Variants in HTR2A observed in about 807,000 individuals in gnomAD.
The protein encoded by HTR2A is 5-hydroxytryptamine receptor 2A.
A neutral mutation model predicts 31.0 loss-of-function variants in HTR2A; 14 were observed. The ratio of observed to expected loss-of-function variants is 0.45; its 90% CI spans 0.30 to 0.71. The LOEUF (loss-of-function observed/expected upper bound fraction) is 0.71, where lower values mean the gene tolerates loss of function less well. HTR2A is among the 30% of genes least tolerant of loss of function. HTR2A has a pLI of 0.09. For missense variants in HTR2A, 442 were observed against 573.3 expected (o/e 0.77, Z 2.34); for synonymous variants, 209 against 225.2 (o/e 0.93, Z 0.64).
rs1387896692 is a variant in HTR2A at position 46,833,082 on chromosome 13, A to G, written c.*1755T>C. 6.6e-6 allele frequency: 1 copy of G among 152,088 alleles called. No individual in the cohort carries two copies. The highest frequency in any genetic ancestry group is 1.5e-5 in the Non-Finnish European group (1 of 68,020). 9.4% of individuals were successfully genotyped at this position (152,088 alleles called of 1,614,324 possible). A position where few individuals can be genotyped will look rare whatever the true frequency, so the allele number is the denominator to read the frequency against. ...GAGTTTTTGGAGAAATAGAAGAAAA[A>G]TTTTGCTCAAAACTATGGTAGTTAT... On this transcript the variant is annotated 3_prime_UTR_variant, in exon 4 of 4. Coordinates refer to ENST00000542664, the MANE Select transcript of HTR2A (RefSeq NM_000621.5).
At chr13:46,846,181 GT>G (rs145050960) in intron 3 of HTR2A, among the ~76,000 whole-genome samples, 4 of 151,896 alleles carry the variant, frequency 2.6e-5, no homozygotes, top group African/African-American at 9.7e-5. Context: ...TTTAATTGGA[GT>G]TTTTTTTCTC....
chr13:46,881,078 T>C (rs1950957909), intron 3 of HTR2A, among the ~76,000 whole-genome samples: 1 of 152,194 alleles, frequency 6.6e-6, no homozygotes, highest in African/African-American at 2.4e-5. Context: ...TGGGTTAATG[T>C]CCCGAAGGAC....
In HTR2A at chr13:46,850,636, G is replaced by A. The variant is rs73175507; in HGVS notation, c.614-14997C>T. Among the ~76,000 whole-genome samples, 688 of 152,254 alleles carry A rather than the reference G, an allele frequency of 4.5e-3. 5 individuals carry two copies. Among genetic ancestry groups the A allele is most frequent in the Non-Finnish European group, 7.2e-3 (489 of 68,020 alleles). On this transcript the variant is annotated intron_variant, in intron 3 of 3. Transcript: ENST00000542664. ...CTGCTCAAGGCTGGCTCTTAGATCC[G>A]GAGCCTGGAATTCATGCAGTGTCCT...
chr13:46,885,689 T>G (rs1007266117), intron 3 of HTR2A, among the ~76,000 whole-genome samples: 2 of 152,224 alleles, frequency 1.3e-5, no homozygotes, highest in African/African-American at 4.8e-5. Flanking sequence ...TAATTCACAT[T>G]TCCACAAGCA....
At chr13:46,887,584 T>G (rs1478237376) in intron 3 of HTR2A, among the ~76,000 whole-genome samples, 1 of 151,834 alleles carries the variant, frequency 6.6e-6, no homozygotes, top group African/African-American at 2.4e-5. Flanking sequence ...AGATAACTTG[T>G]GATTAATATT....
chr13:46,869,171 A>G (rs1950845008), intron 3 of HTR2A, among the ~76,000 whole-genome samples: 1 of 152,192 alleles, frequency 6.6e-6, no homozygotes, highest in South Asian at 2.1e-4. Context: ...GAGAAAAAAT[A>G]TTTGCAAGTC....
intron 3 of HTR2A, among the ~76,000 whole-genome samples, chr13:46,875,442 A>G (rs1950900869): frequency 6.6e-6 from 1 of 152,204 alleles, no homozygotes; most frequent in African/African-American, 2.4e-5. Flanking sequence ...TCATCTTTAC[A>G]TCTCACCATA....
rs1321239773 is a variant in HTR2A, at chr13:46,845,107, T to C, written c.614-9468A>G. The stretch of plus-strand genomic sequence containing the variant: ...CTATGTACACATCACCCAAGTTCAA[T>C]ATAATCATGATGTCTAAGATCTTAT... On this transcript the variant is annotated intron_variant, in intron 3 of 3. Coordinates refer to ENST00000542664, the MANE Select transcript of HTR2A (RefSeq NM_000621.5). Among the ~76,000 whole-genome samples, 3 of 152,246 alleles carry C rather than the reference T, an allele frequency of 2.0e-5. No individual in the cohort carries two copies. The East Asian group carries it at 5.8e-4, about 29-fold the overall frequency.
Position 46,896,950 on chromosome 13 carries a change from A to T in HTR2A, c.-605T>A. On this transcript the variant is annotated 5_prime_UTR_variant, in exon 1 of 4. The change abolishes an upstream ATG in the 5' untranslated region. Coordinates refer to ENST00000542664, the MANE Select transcript of HTR2A (RefSeq NM_000621.5). ...CTCAGCAGGCACACATTTAGAAATCATTCACGAGCCCCTCAAAGTCGCACA... is the reference window on the plus strand; with the variant it reads ...CTCAGCAGGCACACATTTAGAAATCTTTCACGAGCCCCTCAAAGTCGCACA... 1.2e-6 allele frequency: 1 copy of T among 803,000 alleles called. No homozygotes were observed. The highest frequency in any genetic ancestry group is 2.0e-6 in the Non-Finnish European group (1 of 507,132). The allele number at this position is 803,000 out of a possible 1,614,324, so 49.7% of individuals were successfully genotyped here.
intron 3 of HTR2A, among the ~76,000 whole-genome samples, chr13:46,864,796 T>C (rs748790370): frequency 5.3e-5 from 8 of 152,212 alleles, no homozygotes; most frequent in Non-Finnish European, 8.8e-5. Context: ...AGAATGCCTA[T>C]GTAATAGGAT....
intron 3 of HTR2A, among the ~76,000 whole-genome samples, chr13:46,883,473 T>C (rs1392665133): frequency 1.3e-5 from 2 of 152,162 alleles, no homozygotes; most frequent in Non-Finnish European, 2.9e-5. Context: ...AAATAACATC[T>C]GGAAAAGGAA....
Position 46,834,203 on chromosome 13 carries a change from A to G in HTR2A, c.*634T>C, listed in dbSNP as rs978974243. ...TTTGAAGTCTTTTTCACTTCTGAGA[A>G]TTAACTTGAAATGCAGCAAATGCCA... is the stretch of plus-strand genomic sequence containing the variant. On this transcript the variant is annotated 3_prime_UTR_variant, in exon 4 of 4. Coordinates refer to ENST00000542664, the MANE Select transcript of HTR2A (RefSeq NM_000621.5). 3.3e-5 allele frequency: 5 copies of G among 152,672 alleles called. No homozygotes were observed. Among genetic ancestry groups the G allele is most frequent in the Admixed American group, 1.3e-4 (2 of 15,284 alleles). 9.5% of individuals were successfully genotyped at this position (152,672 alleles called of 1,614,324 possible).
At chr13:46,896,525 A>C (rs1951106439) in intron 1 of HTR2A, 149 bp downstream of exon 1, 1 of 696,798 alleles carries the variant, frequency 1.4e-6, no homozygotes, top group Non-Finnish European at 2.3e-6. Context: ...TTAGCTAATA[A>C]AAGGAAAACA....
At chr13:46,872,445 CA>C (rs1950869625) in intron 3 of HTR2A, among the ~76,000 whole-genome samples, 1 of 150,410 alleles carries the variant, frequency 6.6e-6, no homozygotes, top group South Asian at 2.1e-4. Context: ...AATTATTATG[CA>C]AAATAACTTT....
rs551443757 is a variant in HTR2A at position 46,895,257 on chromosome 13, A to C, written c.412+238T>G. Reference sequence around the variant, plus strand: ...AACTCTCCAATGATCATTTTTACACAGGATGTACGCGTTTTGAAGCACAAA... The same window carrying C: ...AACTCTCCAATGATCATTTTTACACCGGATGTACGCGTTTTGAAGCACAAA... On this transcript the variant is annotated intron_variant, in intron 2 of 3. Coordinates refer to ENST00000542664, the MANE Select transcript of HTR2A (RefSeq NM_000621.5). This position sits in a 1 kb window ranked among gnomAD's most constrained non-coding sequence, Gnocchi z 4.4. 9.5e-6 allele frequency: 4 copies of C among 421,960 alleles called. No individual in the cohort carries two copies. Among genetic ancestry groups the C allele is most frequent in the African/African-American group, 7.9e-5 (4 of 50,732 alleles). 26.1% of individuals were successfully genotyped at this position (421,960 alleles called of 1,614,324 possible).
chr13:46,840,709 A>G (rs1194382692), intron 3 of HTR2A, among the ~76,000 whole-genome samples: 1 of 152,182 alleles, frequency 6.6e-6, no homozygotes, highest in Non-Finnish European at 1.5e-5. Flanking sequence ...TAGTTACAAA[A>G]GTCTATGACT....
At chr13:46,873,334 C>T (rs950536260) in intron 3 of HTR2A, among the ~76,000 whole-genome samples, 9 of 150,824 alleles carry the variant, frequency 6.0e-5, no homozygotes, top group Non-Finnish European at 1.0e-4. Flanking sequence ...AGGTTCAAAG[C>T]GAATCTTTAA....
rs1387250440 is a variant in HTR2A, at chr13:46,833,571, A to G, written c.*1266T>C. On this transcript the variant is annotated 3_prime_UTR_variant, in exon 4 of 4. Coordinates refer to ENST00000542664, the MANE Select transcript of HTR2A (RefSeq NM_000621.5). Reference sequence around the variant, plus strand: ...AGAGACAGGGAGGTCTCACTTTGTTACCCAGGTTGGTCTCAAACTCTTGGC... The same window carrying G: ...AGAGACAGGGAGGTCTCACTTTGTTGCCCAGGTTGGTCTCAAACTCTTGGC... The G allele has an allele frequency of 6.6e-6, 1 of 151,768 alleles. No homozygotes were observed. Among genetic ancestry groups the G allele is most frequent in the Non-Finnish European group, 1.5e-5 (1 of 67,948 alleles). 9.4% of individuals were successfully genotyped at this position (151,768 alleles called of 1,614,324 possible).
intron 3 of HTR2A, among the ~76,000 whole-genome samples, chr13:46,889,974 C>T (rs944961163): frequency 6.6e-5 from 10 of 152,180 alleles, no homozygotes; most frequent in Non-Finnish European, 1.5e-4. Context: ...TCCTACCTTA[C>T]TGTGAGAGAT....
Sources: allele counts gnomAD v4.1 joint callset (sites outside exome capture counted in the v4.1 genomes callset), GRCh38; gene constraint gnomAD v4.1.1; non-coding constraint Gnocchi (gnomAD v3.1); transcripts MANE v1.5; gene names NCBI Gene and HGNC (gene_info 2026-07-23, HGNC 2026-07-21).